EPHA4: variants seen among roughly 807,000 people sequenced by gnomAD.
EPHA4 encodes the protein EPH receptor A4.
Under a neutral mutation model 108.3 loss-of-function variants are expected in EPHA4, and 19 were observed. The ratio of observed to expected loss-of-function variants is 0.18; its 90% CI spans 0.12 to 0.26. EPHA4 has a LOEUF of 0.26. Ranked by LOEUF, EPHA4 falls within the 10% of genes least tolerant of loss-of-function variation. EPHA4 has a pLI of 1.00. For missense variants in EPHA4, 917 were observed against 1,254.0 expected (o/e 0.73, Z 4.06); for synonymous variants, 449 against 455.5 (o/e 0.99, Z 0.18).
intron 4 of EPHA4, among the ~76,000 whole-genome samples, chr2:221,489,760 T>C (rs902530418): frequency 2.0e-5 from 3 of 152,184 alleles, no homozygotes; most frequent in East Asian, 3.8e-4. Flanking sequence ...TGACATCTGG[T>C]AGAAACTCAA....
At chr2:221,462,157 CA>C (rs1691165617) in intron 5 of EPHA4, among the ~76,000 whole-genome samples, 1 of 151,928 alleles carries the variant, frequency 6.6e-6, no homozygotes, top group South Asian at 2.1e-4. Context: ...AGACATGACA[CA>C]TAGCAATGAG....
At chr2:221,456,932 G>C (rs189043041) in intron 6 of EPHA4, among the ~76,000 whole-genome samples, 160 bp from the exon 7 acceptor site, 16 of 152,304 alleles carry the variant, frequency 1.1e-4, no homozygotes, top group Admixed American at 6.5e-4. Context: ...GATGTTATAA[G>C]TACTATTGTT....
chr2:221,433,755 C>A (rs140486203), intron 14 of EPHA4, among the ~76,000 whole-genome samples: 1 of 152,276 alleles, frequency 6.6e-6, no homozygotes, highest in Admixed American at 6.5e-5. Context: ...CACTAGTTTT[C>A]TTTCAATAAG....
At chr2:221,573,589 G>A (rs901906644), upstream of EPHA4, 1 of 152,228 alleles carries the variant, frequency 6.6e-6, no homozygotes, top group African/African-American at 2.4e-5. The surrounding 1 kb of genome is among the most constrained non-coding windows in gnomAD (Gnocchi z 4.5). Context: ...CTCCAGAGCA[G>A]GGCCGAGTTT....
chr2:221,484,182 A>C (rs1376459121), intron 4 of EPHA4, among the ~76,000 whole-genome samples: 1 of 152,244 alleles, frequency 6.6e-6, no homozygotes, highest in Admixed American at 6.5e-5. Context: ...ACAATGAAAC[A>C]TACTGTTCAA....
At chr2:221,486,279 TACAGG>T (rs1459569391) in intron 4 of EPHA4, among the ~76,000 whole-genome samples, 1 of 152,166 alleles carries the variant, frequency 6.6e-6, no homozygotes, top group Non-Finnish European at 1.5e-5. Flanking sequence ...CTAGCCTCAA[TACAGG>T]ACTGGCATAA....
intron 3 of EPHA4, among the ~76,000 whole-genome samples, chr2:221,520,823 CGT>C (rs1693145234): frequency 6.6e-6 from 1 of 152,140 alleles, no homozygotes; most frequent in African/African-American, 2.4e-5. Context: ...AAGGTAACAT[CGT>C]AAGAGTTTCA....
At chr2:221,457,715 G>T in intron 6 of EPHA4, 151 bp downstream of exon 6, 1 of 771,542 alleles carries the variant, frequency 1.3e-6, no homozygotes, top group Non-Finnish European at 1.9e-6. Context: ...TTAAACAGAA[G>T]GGAGGGAGCA....
At chr2:221,496,793 C>T (rs1425595890) in intron 4 of EPHA4, among the ~76,000 whole-genome samples, 1 of 152,050 alleles carries the variant, frequency 6.6e-6, no homozygotes, top group African/African-American at 2.4e-5. Flanking sequence ...CCTGTAATCC[C>T]AGCTACTTGG....
chr2:221,471,329 G>C (rs552177617), intron 5 of EPHA4, among the ~76,000 whole-genome samples: 6 of 152,078 alleles, frequency 3.9e-5, no homozygotes, highest in African/African-American at 9.7e-5. Flanking sequence ...TTGCTGAAGT[G>C]TGAAATTCAG....
intron 5 of EPHA4, among the ~76,000 whole-genome samples, chr2:221,478,300 A>G (rs1691720801): frequency 6.6e-6 from 1 of 152,188 alleles, no homozygotes; most frequent in African/African-American, 2.4e-5. Context: ...TCCTAGTGAC[A>G]CATCCTGTAT....
chr2:221,570,319 C>CT (rs1694790105), intron 1 of EPHA4, among the ~76,000 whole-genome samples: 1 of 148,472 alleles, frequency 6.7e-6, no homozygotes, highest in Non-Finnish European at 1.5e-5. Context: ...TTTTTCTCCC[C>CT]CCCCCCCAAA....
chr2:221,429,950 T>G lies in EPHA4; in HGVS notation c.2690+8A>C, dbSNP rs1049067360. 6.2e-7 allele frequency: 1 copy of G among 1,613,628 alleles called. No individual in the cohort carries two copies. The highest frequency in any genetic ancestry group is 8.5e-7 in the Non-Finnish European group (1 of 1,179,882). On this transcript the variant is annotated splice_region_variant and intron_variant, in intron 15 of 17. Coordinates refer to ENST00000281821, the MANE Select transcript of EPHA4 (RefSeq NM_004438.5). ...TTCATACATCACTATTAAGTAAGCA[T>G]GGCTGACCTGGAGCTCTCCGTCCCT... is the stretch of plus-strand genomic sequence containing the variant.
At chr2:221,568,572 C>T (rs890380303) in intron 2 of EPHA4, 146 bp downstream of exon 2, 1 of 559,762 alleles carries the variant, frequency 1.8e-6, no homozygotes, top group African/African-American at 1.9e-5. Context: ...TAGGATTTCT[C>T]CAACAAAGCG....
intron 3 of EPHA4, among the ~76,000 whole-genome samples, chr2:221,551,816 T>G (rs372220054): frequency 6.6e-6 from 1 of 152,142 alleles, no homozygotes; most frequent in East Asian, 1.9e-4. Context: ...GATAATGTTT[T>G]CACTTCTCCA....
chr2:221,458,153 C>T (rs1048758547), intron 5 of EPHA4, among the ~76,000 whole-genome samples, 163 bp from the exon 6 acceptor site: 2 of 152,108 alleles, frequency 1.3e-5, no homozygotes, highest in African/African-American at 4.8e-5. Context: ...TCATTTTCAT[C>T]CTTCTCTCCA....
chr2:221,429,065 A>T (rs1689996256), intron 15 of EPHA4, among the ~76,000 whole-genome samples: 1 of 152,178 alleles, frequency 6.6e-6, no homozygotes, highest in African/African-American at 2.4e-5. Context: ...GATGAAACAG[A>T]AGCCTGTGAG....
intron 3 of EPHA4, among the ~76,000 whole-genome samples, chr2:221,549,411 C>G (rs1008808769): frequency 6.6e-6 from 1 of 152,196 alleles, no homozygotes; most frequent in African/African-American, 2.4e-5. Context: ...CTTGGTCTCT[C>G]TCTCTCATTC....
intron 3 of EPHA4, among the ~76,000 whole-genome samples, chr2:221,515,158 C>T (rs369584332): frequency 5.3e-5 from 8 of 152,244 alleles, no homozygotes; most frequent in East Asian, 3.9e-4. Flanking sequence ...TACAATGGCA[C>T]GATCTTGGCT....
Sources: gnomAD v4.1 joint callset for allele counts (sites outside exome capture counted in the v4.1 genomes callset) on GRCh38, gnomAD v4.1.1 for gene constraint, Gnocchi (gnomAD v3.1) non-coding constraint, MANE v1.5 for transcripts, NCBI Gene and HGNC (gene_info 2026-07-23, HGNC 2026-07-21) for gene names.